LTBP1: variants seen among roughly 807,000 people sequenced by gnomAD.
The protein encoded by LTBP1 is latent-transforming growth factor beta-binding protein 1.
Under a neutral mutation model 207.6 loss-of-function variants are expected in LTBP1, and 129 were observed. The observed-to-expected ratio is 0.62, with a 90% CI of 0.54 to 0.72. The LOEUF is 0.72. Ranked by LOEUF, LTBP1 falls within the 30% of genes least tolerant of loss-of-function variation. The pLI is 0.00. For synonymous variants in LTBP1, 963 were observed against 833.7 expected, an observed-to-expected ratio of 1.16 and a Z score of -2.67; for missense variants, 2,281 against 2,217.2, an observed-to-expected ratio of 1.03 and a Z score of -0.58.
At chr2:33,393,453 C>A (rs189708199) in intron 32 of LTBP1, among the ~76,000 whole-genome samples, 30 of 146,668 alleles carry the variant, frequency 2.0e-4, no homozygotes, top group African/African-American at 6.8e-4. Flanking sequence ...CCCCCAACCC[C>A]GCGAAAGGCC....
At position 32,996,489 on chromosome 2, in the gene LTBP1, T is replaced by C. The variant is rs1228565251; in HGVS notation, c.566-24420T>C. On this transcript the variant is annotated intron_variant, in intron 2 of 33. Transcript: ENST00000404816. ...TTCAGCCCATGACACTGTTCATTTA[T>C]TTAATAAATAGTTTTTTACGCCTAC... Among the ~76,000 whole-genome samples the C allele has an allele frequency of 2.6e-5, 4 of 152,308 alleles. No homozygotes were observed. The East Asian group carries it at 7.7e-4, about 29-fold the overall frequency.
intron 30 of LTBP1, 59 bp from the exon 31 acceptor site, chr2:33,365,274 C>T: frequency 6.8e-7 from 1 of 1,467,296 alleles, no homozygotes; most frequent in Non-Finnish European, 9.5e-7. Flanking sequence ...GCTTCCAACA[C>T]AGTGTTTATA....
intron 32 of LTBP1, among the ~76,000 whole-genome samples, chr2:33,390,635 G>A (rs2095307186): frequency 6.6e-6 from 1 of 151,912 alleles, no homozygotes; most frequent in Non-Finnish European, 1.5e-5. Context: ...CTACAGGCAC[G>A]TGCCACTATG....
At chr2:33,224,534 G>A (rs1301533235) in intron 9 of LTBP1, among the ~76,000 whole-genome samples, 4 of 152,108 alleles carry the variant, frequency 2.6e-5, no homozygotes, top group Non-Finnish European at 4.4e-5. Context: ...CGTATTTAGC[G>A]TAATTCACAG....
intron 31 of LTBP1, among the ~76,000 whole-genome samples, chr2:33,385,075 T>A (rs931802045): frequency 3.3e-5 from 5 of 152,228 alleles, no homozygotes; most frequent in African/African-American, 1.2e-4. Flanking sequence ...CATCAGTTTT[T>A]CCCCTGTACT....
intron 3 of LTBP1, among the ~76,000 whole-genome samples, chr2:33,067,048 T>TAGA (rs2077547013): frequency 6.6e-6 from 1 of 152,162 alleles, no homozygotes; most frequent in Non-Finnish European, 1.5e-5. Context: ...GTGGCATGCC[T>TAGA]GTAGTCCCAG....
At chr2:33,135,038 T>C in intron 5 of LTBP1, 78 bp downstream of exon 5, 1 of 1,400,710 alleles carries the variant, frequency 7.1e-7, no homozygotes, top group Non-Finnish European at 9.6e-7. Context: ...ACCCCCTCCA[T>C]TCACACTGCT....
rs939569774 is a variant in LTBP1, at chr2:33,000,608, C to T, written c.566-20301C>T. 1.3e-4 allele frequency among the ~76,000 whole-genome samples: 17 copies of T among 135,550 alleles called. 2 individuals are homozygous for T. The highest frequency in any genetic ancestry group is 3.9e-4 in the African/African-American group (15 of 38,950). The allele number at this position is 135,550 out of a possible 152,430, so 88.9% of individuals were successfully genotyped here. A position where few individuals can be genotyped will look rare whatever the true frequency, so the allele number is the denominator to read the frequency against. On this transcript the variant is annotated intron_variant, in intron 2 of 33. Coordinates refer to ENST00000404816, the MANE Select transcript of LTBP1 (RefSeq NM_206943.4). ...ACTGGACTGTGTGTAAGGCGGTCTC[C>T]TGTGCAGCCCGCCGCCACTGGACTG...
intron 2 of LTBP1, among the ~76,000 whole-genome samples, chr2:33,005,947 G>A (rs976333479): frequency 6.6e-6 from 1 of 151,854 alleles, no homozygotes; most frequent in Admixed American, 6.6e-5. Context: ...AATCATTTGA[G>A]GTCATCTTTA....
intron 25 of LTBP1, 84 bp downstream of exon 25, chr2:33,343,047 G>T (rs1426986578): frequency 3.6e-6 from 5 of 1,396,962 alleles, no homozygotes; most frequent in Non-Finnish European, 4.8e-6. Context: ...CTTTTAAGCA[G>T]GTAATTTGGG....
At chr2:33,071,216 C>T (rs1310751653) in intron 3 of LTBP1, among the ~76,000 whole-genome samples, 2 of 152,174 alleles carry the variant, frequency 1.3e-5, no homozygotes, top group African/African-American at 4.8e-5. Flanking sequence ...TTGGGTAGGT[C>T]TTGGTTCCTC....
At chr2:33,064,323 G>T (rs2077402019) in intron 3 of LTBP1, among the ~76,000 whole-genome samples, 1 of 152,188 alleles carries the variant, frequency 6.6e-6, no homozygotes, top group African/African-American at 2.4e-5. Context: ...GTCAAGAACT[G>T]TGAAAGGTTT....
Position 33,110,767 on chromosome 2 carries a change from T to C in LTBP1, c.1033+16T>C. ...CCTTTTCAGCGTGAGTATAGTCTTA[T>C]CAACCATTTTCCCAAGTTATGGTAT... On this transcript the variant is annotated intron_variant, in intron 4 of 33. Coordinates refer to ENST00000404816, the MANE Select transcript of LTBP1 (RefSeq NM_206943.4). 3 of 1,608,050 alleles carry C rather than the reference T, an allele frequency of 1.9e-6. No individual in the cohort carries two copies. Among genetic ancestry groups the C allele is most frequent in the Non-Finnish European group, 2.6e-6 (3 of 1,175,448 alleles).
At chr2:33,295,747 G>A (rs1278765260) in intron 20 of LTBP1, among the ~76,000 whole-genome samples, 1 of 152,090 alleles carries the variant, frequency 6.6e-6, no homozygotes, top group Non-Finnish European at 1.5e-5. Flanking sequence ...GAGGAAATAA[G>A]TAAACATTTT....
chr2:33,018,385 G>A (rs1290185095), intron 2 of LTBP1, among the ~76,000 whole-genome samples: 1 of 151,924 alleles, frequency 6.6e-6, no homozygotes, highest in African/African-American at 2.4e-5. Flanking sequence ...TACCTTGGGC[G>A]GGAGGAGAAG....
intron 31 of LTBP1, among the ~76,000 whole-genome samples, chr2:33,368,053 A>C (rs112297461): frequency 2.0e-5 from 3 of 152,042 alleles, no homozygotes; most frequent in African/African-American, 4.8e-5. Context: ...TGTCTCTACT[A>C]AAAAATAGCC....
At position 32,995,741 on chromosome 2, in the gene LTBP1, A is replaced by G. The variant is rs530308528; in HGVS notation, c.566-25168A>G. ...GAGGCCAAGCCTGCAGTGAGCCAAG[A>G]TTGCGCCACTGCACTCCAGCCTGGG... is the stretch of plus-strand genomic sequence containing the variant. On this transcript the variant is annotated intron_variant, in intron 2 of 33. Coordinates refer to ENST00000404816, the MANE Select transcript of LTBP1 (RefSeq NM_206943.4). Among the ~76,000 whole-genome samples the G allele has an allele frequency of 3.3e-4, 50 of 152,320 alleles. 1 individual carries two copies. Among genetic ancestry groups the G allele is most frequent in the African/African-American group, 1.2e-3 (48 of 41,556 alleles).
At chr2:33,356,202 G>A (rs1465353947) in intron 26 of LTBP1, among the ~76,000 whole-genome samples, 2 of 152,190 alleles carry the variant, frequency 1.3e-5, no homozygotes, top group Non-Finnish European at 2.9e-5. Flanking sequence ...GTAACAATGT[G>A]TAAGAAAACA....
intron 3 of LTBP1, among the ~76,000 whole-genome samples, chr2:33,021,793 T>C (rs2075184278): frequency 6.6e-6 from 1 of 152,188 alleles, no homozygotes; most frequent in Non-Finnish European, 1.5e-5. Context: ...GAACAAGGTT[T>C]TTTTTTTCTT....
Sources: allele counts gnomAD v4.1 joint callset (sites outside exome capture counted in the v4.1 genomes callset), GRCh38; gene constraint gnomAD v4.1.1; transcripts MANE v1.5; gene names NCBI Gene and HGNC (gene_info 2026-07-23, HGNC 2026-07-21).